ARHGEF10: variants seen among roughly 807,000 people sequenced by gnomAD.
ARHGEF10 encodes Rho guanine nucleotide exchange factor (GEF) 10.
Under a neutral mutation model 147.4 loss-of-function variants are expected in ARHGEF10, and 140 were observed. That is an observed-to-expected ratio of 0.95 (90% confidence interval 0.83 to 1.09). ARHGEF10 has a LOEUF of 1.09. Among genes scored for constraint, ARHGEF10 ranks in the 50% least tolerant of loss-of-function variants. The pLI, the probability that ARHGEF10 is intolerant of heterozygous loss-of-function variation, is 0.00. For synonymous variants in ARHGEF10, 902 were observed against 695.8 expected (o/e 1.30, Z -4.67); for missense variants, 2,222 against 1,752.7 (o/e 1.27, Z -4.78).
At chr8:1,883,826 G>A (rs1257836824) in intron 10 of ARHGEF10, among the ~76,000 whole-genome samples, 4 of 152,170 alleles carry the variant, frequency 2.6e-5, no homozygotes, top group South Asian at 2.1e-4. Flanking sequence ...GAGGAGTTGG[G>A]ATTTGGGGCC....
At chr8:1,914,968 C>T (rs747379206) in intron 18 of ARHGEF10, among the ~76,000 whole-genome samples, 9 of 152,292 alleles carry the variant, frequency 5.9e-5, no homozygotes, top group Non-Finnish European at 1.2e-4. Flanking sequence ...GGTCGGCGTG[C>T]CTGTGGAATG....
chr8:1,935,840 A>C (rs1361516393), intron 26 of ARHGEF10, among the ~76,000 whole-genome samples: 1 of 152,246 alleles, frequency 6.6e-6, no homozygotes, highest in Non-Finnish European at 1.5e-5. Flanking sequence ...GAGGAGGCCC[A>C]AACTCTCCTT....
intron 1 of ARHGEF10, among the ~76,000 whole-genome samples, chr8:1,836,097 C>T (rs1052016848): frequency 6.6e-6 from 1 of 151,328 alleles, no homozygotes; most frequent in South Asian, 2.1e-4. Context: ...AGGAGAATGG[C>T]GTGAACCCGG....
chr8:1,836,106 G>A (rs548753711), intron 1 of ARHGEF10, among the ~76,000 whole-genome samples: 8 of 151,940 alleles, frequency 5.3e-5, no homozygotes, highest in Admixed American at 2.6e-4. Flanking sequence ...GCGTGAACCC[G>A]GGAGGCAGAG....
intron 2 of ARHGEF10, among the ~76,000 whole-genome samples, chr8:1,850,555 GAC>G (rs1805052312): frequency 6.6e-6 from 1 of 151,848 alleles, no homozygotes; most frequent in Admixed American, 6.5e-5. Flanking sequence ...CAGCTGCGTG[GAC>G]ACAGACGGCA....
At chr8:1,891,091 A>G (rs926029752) in intron 11 of ARHGEF10, among the ~76,000 whole-genome samples, 1 of 152,176 alleles carries the variant, frequency 6.6e-6, no homozygotes, top group African/African-American at 2.4e-5. Context: ...GGTTCAGTGA[A>G]GTCCTGTATA....
At chr8:1,851,181 T>C (rs887910066) in intron 2 of ARHGEF10, among the ~76,000 whole-genome samples, 1 of 150,682 alleles carries the variant, frequency 6.6e-6, no homozygotes, top group African/African-American at 2.5e-5. Context: ...TGGGCTTTAG[T>C]TAGCGACGTA....
intron 13 of ARHGEF10, among the ~76,000 whole-genome samples, chr8:1,894,925 T>C (rs997378): frequency 0.43 from 65,122 of 152,046 alleles, 14,565 homozygotes; most frequent in African/African-American, 0.55. Flanking sequence ...TGTTGTAAAA[T>C]TGCCGTTTTT....
Position 1,887,523 on chromosome 8 carries a change from G to T in ARHGEF10, c.1182+1816G>T, listed in dbSNP as rs193282955. ...GGGTCTGTGAGGAGACCCTGAGTGG[G>T]GTGAGGGATACGTGAGGAAACACTG... is the stretch of plus-strand genomic sequence containing the variant. On this transcript the variant is annotated intron_variant, in intron 11 of 28. Coordinates refer to ENST00000349830, the MANE Select transcript of ARHGEF10 (RefSeq NM_014629.4). Among the ~76,000 whole-genome samples the T allele has an allele frequency of 5.8e-3, 876 of 149,768 alleles. 4 individuals carry two copies. Among genetic ancestry groups the T allele is most frequent in the South Asian group, 0.016 (72 of 4,602 alleles).
chr8:1,838,557 C>A (rs990461680), intron 1 of ARHGEF10, among the ~76,000 whole-genome samples: 1 of 152,268 alleles, frequency 6.6e-6, no homozygotes, highest in Non-Finnish European at 1.5e-5. Flanking sequence ...TGTGTTCATT[C>A]CTTCAAAGAG....
In ARHGEF10 at chr8:1,889,892, C is replaced by A. The variant is rs186578359; in HGVS notation, c.1183-3677C>A. On this transcript the variant is annotated intron_variant, in intron 11 of 28. Coordinates refer to ENST00000349830, the MANE Select transcript of ARHGEF10 (RefSeq NM_014629.4). Reference sequence around the variant, plus strand: ...TGTGGTGAGGGTTTGTGAGGAGACACTGCATGGGGTGAACTTTGTTAGGAG... The same window carrying A: ...TGTGGTGAGGGTTTGTGAGGAGACAATGCATGGGGTGAACTTTGTTAGGAG... Among the ~76,000 whole-genome samples the A allele has an allele frequency of 1.9e-3, 248 of 131,734 alleles. 23 individuals are homozygous for A. Among genetic ancestry groups the A allele is most frequent in the African/African-American group, 7.0e-3 (229 of 32,642 alleles). The allele number at this position is 131,734 out of a possible 152,430, so 86.4% of individuals were successfully genotyped here.
intron 26 of ARHGEF10, among the ~76,000 whole-genome samples, chr8:1,936,755 A>G (rs1014818589): frequency 3.9e-5 from 6 of 152,214 alleles, no homozygotes; most frequent in African/African-American, 1.4e-4. Context: ...TTCATGAATC[A>G]TATTTGCACA....
At chr8:1,842,660 A>G (rs1033694800) in intron 1 of ARHGEF10, among the ~76,000 whole-genome samples, 6 of 152,126 alleles carry the variant, frequency 3.9e-5, no homozygotes, top group African/African-American at 1.4e-4. Flanking sequence ...AGGACAGCTT[A>G]TTTCACCCTG....
In ARHGEF10 at chr8:1,903,360, C is replaced by A. The variant is rs1810629000; in HGVS notation, c.1730C>A (p.Ala577Glu). The change falls in exon 16 of 29, where the codon GCA (alanine) becomes GAA (glutamate). Residue 577 changes from alanine to glutamate, a missense_variant. Coordinates refer to ENST00000349830, the MANE Select transcript of ARHGEF10 (RefSeq NM_014629.4). ...GCCCTGACAGAGCTCGAAACACTAG[C>A]AGAGAAGTTAAATGAAAGAAAGAGA... is the stretch of plus-strand genomic sequence containing the variant. ...QMALTELETL[A>E]EKLNERKRDA... 1 of 1,613,970 alleles carries A rather than the reference C, an allele frequency of 6.2e-7. No homozygotes were observed. The highest frequency in any genetic ancestry group is 1.3e-5 in the African/African-American group (1 of 74,874).
intron 2 of ARHGEF10, among the ~76,000 whole-genome samples, chr8:1,856,317 G>T (rs1447656618): frequency 6.6e-6 from 1 of 152,200 alleles, no homozygotes; most frequent in African/African-American, 2.4e-5. Context: ...CAGAAAGCTC[G>T]TGGGGTCCCC....
intron 18 of ARHGEF10, among the ~76,000 whole-genome samples, chr8:1,912,227 C>A (rs937830076): frequency 6.6e-6 from 1 of 151,962 alleles, no homozygotes; most frequent in South Asian, 2.1e-4. Context: ...CTCGCTGTCC[C>A]CGCAGAAGCG....
chr8:1,911,240 T>C (rs1191610246), intron 18 of ARHGEF10, among the ~76,000 whole-genome samples: 1 of 152,234 alleles, frequency 6.6e-6, no homozygotes, highest in Non-Finnish European at 1.5e-5. Context: ...AAGGGGACTT[T>C]GAAACACACT....
At chr8:1,833,827 G>GGAGGGA (rs1358217971) in intron 1 of ARHGEF10, among the ~76,000 whole-genome samples, 2 of 152,224 alleles carry the variant, frequency 1.3e-5, no homozygotes, top group African/African-American at 4.8e-5. Context: ...TGCTTCCCTG[G>GGAGGGA]GAGGGAGTCT....
chr8:1,913,672 G>T (rs566815065), intron 18 of ARHGEF10, among the ~76,000 whole-genome samples: 8 of 152,328 alleles, frequency 5.3e-5, no homozygotes, highest in Non-Finnish European at 1.2e-4. Context: ...CTTCCAGAAG[G>T]CCGCTGCCTC....
Sources: allele counts gnomAD v4.1 joint callset (sites outside exome capture counted in the v4.1 genomes callset), GRCh38; gene constraint gnomAD v4.1.1; transcripts MANE v1.5; gene names NCBI Gene and HGNC (gene_info 2026-07-23, HGNC 2026-07-21).